The following UNC13C variants were observed in gnomAD, a reference collection of about 807,000 sequenced individuals.
UNC13C encodes the protein unc-13 homolog C.
UNC13C carries 174 observed loss-of-function variants against 245.4 expected under a neutral mutation model. The ratio of observed to expected loss-of-function variants is 0.71; its 90% CI spans 0.63 to 0.80. The LOEUF is 0.80. Ranked by LOEUF, UNC13C falls within the 30% of genes least tolerant of loss-of-function variation. UNC13C has a pLI of 0.00. For synonymous variants in UNC13C, 992 were observed against 895.1 expected, an observed-to-expected ratio of 1.11 and a Z score of -1.93; for missense variants, 2,829 against 2,602.9, an observed-to-expected ratio of 1.09 and a Z score of -1.89.
At chr15:54,063,444 C>T (rs1185376210) in intron 2 of UNC13C, among the ~76,000 whole-genome samples, 1 of 151,862 alleles carries the variant, frequency 6.6e-6, no homozygotes, top group Admixed American at 6.6e-5. Context: ...AAGCCAATAC[C>T]AACTGTTTCC....
intron 19 of UNC13C, among the ~76,000 whole-genome samples, chr15:54,428,860 G>A (rs1407715027): frequency 2.0e-5 from 3 of 151,624 alleles, no homozygotes; most frequent in African/African-American, 7.3e-5. Context: ...GGTGCTTCCT[G>A]ACTCCTGCCC....
chr15:54,478,032 T>C (rs986059764), intron 19 of UNC13C, among the ~76,000 whole-genome samples: 5 of 151,594 alleles, frequency 3.3e-5, no homozygotes, highest in African/African-American at 7.3e-5. Context: ...CCTGGTTTAG[T>C]CTTGGGAGAG....
At position 54,298,690 on chromosome 15, in the gene UNC13C, T is replaced by C. The variant is rs377436190; in HGVS notation, c.4104+764T>C. Among the ~76,000 whole-genome samples the C allele has an allele frequency of 3.9e-4, 60 of 152,228 alleles. 1 individual carries two copies. Among genetic ancestry groups the C allele is most frequent in the Admixed American group, 1.9e-3 (29 of 15,290 alleles). The stretch of plus-strand genomic sequence containing the variant: ...AGTAGAGAAGCACAGACAAATCATC[T>C]TGGGAGTCTATCAAATGTTTGTCGC... On this transcript the variant is annotated intron_variant, in intron 12 of 32. Transcript: ENST00000260323.
chr15:54,513,955 A>G (rs1447981696), intron 24 of UNC13C, among the ~76,000 whole-genome samples: 1 of 152,070 alleles, frequency 6.6e-6, no homozygotes, highest in African/African-American at 2.4e-5. Context: ...CAGCATTTGC[A>G]TAGAGATTGA....
At chr15:53,914,060 G>A in the UNC13C span, 442 of 152,224 alleles carry the variant, frequency 2.9e-3, 4 homozygotes, top group African/African-American at 0.01. Context: ...CTATGTATAA[G>A]GCTTATGTGT....
chr15:54,276,660 G>A (rs542128911), intron 10 of UNC13C, among the ~76,000 whole-genome samples: 1 of 152,184 alleles, frequency 6.6e-6, no homozygotes, highest in East Asian at 1.9e-4. Context: ...ATGTAATACT[G>A]TTGTGAATTT....
chr15:54,439,784 A>T (rs1175343154), intron 19 of UNC13C, among the ~76,000 whole-genome samples: 1 of 152,010 alleles, frequency 6.6e-6, no homozygotes, highest in Non-Finnish European at 1.5e-5. Context: ...ATGAATTGGG[A>T]ATATTTCAAA....
intron 4 of UNC13C, among the ~76,000 whole-genome samples, chr15:54,148,919 C>A (rs1466753270): frequency 6.6e-6 from 1 of 152,098 alleles, no homozygotes; most frequent in African/African-American, 2.4e-5. Context: ...GAGGAAGGAG[C>A]CGTTGTCTTT....
At position 54,489,160 on chromosome 15, in the gene UNC13C, A is replaced by G. The variant is rs985436967; in HGVS notation, c.4934-5448A>G. ...AGGCATATATGAACACATAAGAAAA[A>G]CAGGCACTTGGATTTTGGAACAATA... On this transcript the variant is annotated intron_variant, in intron 19 of 32. Coordinates refer to ENST00000260323, the MANE Select transcript of UNC13C (RefSeq NM_001080534.3). Among the ~76,000 whole-genome samples the G allele has an allele frequency of 2.6e-5, 4 of 152,164 alleles. No homozygotes were observed. In the East Asian group the frequency reaches 5.8e-4, roughly 22 times the overall value.
At chr15:54,379,142 A>G (rs1025646620) in intron 17 of UNC13C, among the ~76,000 whole-genome samples, 1 of 152,118 alleles carries the variant, frequency 6.6e-6, no homozygotes, top group Non-Finnish European at 1.5e-5. Context: ...TATTAATAGC[A>G]ACAGTCTTAT....
chr15:54,176,751 T>C (rs931563816), intron 4 of UNC13C, among the ~76,000 whole-genome samples: 2 of 152,106 alleles, frequency 1.3e-5, no homozygotes, highest in African/African-American at 4.8e-5. Flanking sequence ...GGGTTTAATA[T>C]TTGAAGACTA....
At chr15:54,591,295 T>G (rs1348260846) in intron 30 of UNC13C, among the ~76,000 whole-genome samples, 1 of 151,626 alleles carries the variant, frequency 6.6e-6, no homozygotes, top group African/African-American at 2.4e-5. Flanking sequence ...AGGGTGATGC[T>G]GGCTTCACAG....
chr15:54,557,013 G>A (rs1235338638), intron 29 of UNC13C, among the ~76,000 whole-genome samples: 3 of 152,036 alleles, frequency 2.0e-5, no homozygotes, highest in Non-Finnish European at 4.4e-5. Flanking sequence ...CTAAGATAAT[G>A]TTGATCCTCA....
chr15:54,346,693 G>C (rs559178470), intron 17 of UNC13C, among the ~76,000 whole-genome samples: 8 of 152,144 alleles, frequency 5.3e-5, no homozygotes, highest in Non-Finnish European at 1.0e-4. Context: ...CTCTGCACTC[G>C]GTAGGTGGTA....
chr15:54,339,640 GATATAT>G lies in UNC13C; in HGVS notation c.4713+1170_4713+1175del, dbSNP rs61353129. The stretch of plus-strand genomic sequence containing the variant: ...GAATAGTAGTATTCCATTATGTGGA[GATATAT>G]ATATATATATATATATATCACAGTT... On this transcript the variant is annotated intron_variant, in intron 17 of 32. Transcript: ENST00000260323. Among the ~76,000 whole-genome samples the G allele has an allele frequency of 9.8e-4, 146 of 149,514 alleles. 1 individual carries two copies. In the East Asian group the frequency reaches 0.022, roughly 22 times the overall value.
chr15:54,019,763 A>G (rs1002373717), intron 2 of UNC13C, among the ~76,000 whole-genome samples: 4 of 152,218 alleles, frequency 2.6e-5, no homozygotes, highest in African/African-American at 9.7e-5. Context: ...AGGTATTAAA[A>G]TTTCCTAAGG....
intron 2 of UNC13C, among the ~76,000 whole-genome samples, chr15:54,036,847 T>C (rs971351525): frequency 1.3e-5 from 2 of 152,242 alleles, no homozygotes; most frequent in Non-Finnish European, 2.9e-5. Flanking sequence ...TCTGAATTTC[T>C]ATGACTTTAT....
rs79565759 is a variant in UNC13C, at chr15:54,266,184, G to A, written c.3818+688G>A. Among the ~76,000 whole-genome samples, 787 of 151,964 alleles carry A rather than the reference G, an allele frequency of 5.2e-3. 5 individuals carry two copies. The highest frequency in any genetic ancestry group is 8.2e-3 in the Non-Finnish European group (555 of 67,854). On this transcript the variant is annotated intron_variant, in intron 10 of 32. Transcript: ENST00000260323. Reference sequence around the variant, plus strand: ...CTTTAAACAGGAATCTCATTACCATGGTAGGTAAATACACCCAGAACATAT... The same window carrying A: ...CTTTAAACAGGAATCTCATTACCATAGTAGGTAAATACACCCAGAACATAT...
chr15:53,853,001 C>CT, the UNC13C span, among the ~76,000 whole-genome samples: 564 of 144,328 alleles, frequency 3.9e-3, 1 homozygote, highest in African/African-American at 0.012. Context: ...AAGGAAATAT[C>CT]TTTTTTTTTT....
Sources: allele counts gnomAD v4.1 joint callset (sites outside exome capture counted in the v4.1 genomes callset), GRCh38; gene constraint gnomAD v4.1.1; transcripts MANE v1.5; gene names NCBI Gene and HGNC (gene_info 2026-07-23, HGNC 2026-07-21).